CUX2: variants seen among roughly 807,000 people sequenced by gnomAD.
CUX2 encodes the protein cut like homeobox 2.
CUX2 carries 40 observed loss-of-function variants against 144.8 expected under a neutral mutation model. The ratio of observed to expected loss-of-function variants is 0.28; its 90% CI spans 0.21 to 0.36. CUX2 has a LOEUF of 0.36. Among genes scored for constraint, CUX2 ranks in the 10% least tolerant of loss-of-function variants. The pLI is 1.00. For missense variants in CUX2, 1,615 were observed against 1,994.0 expected, an observed-to-expected ratio of 0.81 and a Z score of 3.62; for synonymous variants, 827 against 875.6, an observed-to-expected ratio of 0.94 and a Z score of 0.98.
chr12:111,180,875 C>T (rs1308421893), intron 1 of CUX2, among the ~76,000 whole-genome samples: 1 of 152,234 alleles, frequency 6.6e-6, no homozygotes, highest in African/African-American at 2.4e-5. Context: ...TAAAAATAAC[C>T]TCCCGGGCTC....
At chr12:111,172,061 A>G (rs1187981561) in intron 1 of CUX2, among the ~76,000 whole-genome samples, 4 of 150,686 alleles carry the variant, frequency 2.7e-5, no homozygotes, top group Admixed American at 2.6e-4. Flanking sequence ...GTGCATGTGC[A>G]CACGTGTGTG....
At chr12:111,328,095 G>C (rs922985226) in intron 18 of CUX2, among the ~76,000 whole-genome samples, 1 of 152,092 alleles carries the variant, frequency 6.6e-6, no homozygotes, top group Non-Finnish European at 1.5e-5. Context: ...ATCAGGCCTG[G>C]AGGTGGCTAC....
At chr12:111,224,662 T>C (rs945628783) in intron 3 of CUX2, among the ~76,000 whole-genome samples, 1 of 151,936 alleles carries the variant, frequency 6.6e-6, no homozygotes, top group Non-Finnish European at 1.5e-5. Context: ...AGGGCCCCCT[T>C]AGAACCACAA....
At chr12:111,110,124 C>T (rs1260438224) in intron 1 of CUX2, among the ~76,000 whole-genome samples, 1 of 151,634 alleles carries the variant, frequency 6.6e-6, no homozygotes, top group Non-Finnish European at 1.5e-5. Context: ...CTCAAGCAAT[C>T]CTCCCACCTC....
intron 1 of CUX2, among the ~76,000 whole-genome samples, chr12:111,118,926 C>CA (rs886284829): frequency 3.3e-5 from 5 of 151,958 alleles, no homozygotes; most frequent in South Asian, 2.1e-4. Flanking sequence ...ACTCAGTGTG[C>CA]AAAAAAACAT....
At chr12:111,284,513 G>A (rs1885276349) in intron 4 of CUX2, among the ~76,000 whole-genome samples, 1 of 152,148 alleles carries the variant, frequency 6.6e-6, no homozygotes. Context: ...TGAGCACTTA[G>A]GTGTACCAGG....
chr12:111,263,969 A>G lies in CUX2; in HGVS notation c.301+130A>G, dbSNP rs1884258971. The G allele has an allele frequency of 2.4e-6, 2 of 817,310 alleles. No individual in the cohort carries two copies. Among genetic ancestry groups the G allele is most frequent in the Non-Finnish European group, 4.1e-6 (2 of 485,172 alleles). The allele number at this position is 817,310 out of a possible 1,614,324, so 50.6% of individuals were successfully genotyped here. A position where few individuals can be genotyped will look rare whatever the true frequency, so the allele number is the denominator to read the frequency against. ...TCCTGGGTGAGGCCAGGCACTCTGT[A>G]TAGGGCAGGGGGAGCTGTGGCCAGT... On this transcript the variant is annotated intron_variant, in intron 4 of 21. Transcript: ENST00000261726. This position sits in a 1 kb window ranked among gnomAD's most constrained non-coding sequence, Gnocchi z 4.0.
chr12:111,341,159 T>C (rs1339575828), intron 20 of CUX2, among the ~76,000 whole-genome samples: 1 of 152,188 alleles, frequency 6.6e-6, no homozygotes, highest in Non-Finnish European at 1.5e-5. Flanking sequence ...CCAGGCATGG[T>C]GGCGTGCACC....
chr12:111,244,123 C>T (rs938531488), intron 3 of CUX2, among the ~76,000 whole-genome samples: 6 of 151,856 alleles, frequency 4.0e-5, no homozygotes, highest in African/African-American at 1.5e-4. Context: ...TTTAAAGAGG[C>T]AGAGTTCCCC....
At chr12:111,215,462 T>C (rs1021725035) in intron 2 of CUX2, among the ~76,000 whole-genome samples, 4 of 152,190 alleles carry the variant, frequency 2.6e-5, no homozygotes, top group African/African-American at 9.6e-5. Flanking sequence ...GACTAGGATC[T>C]AGCTAGAATT....
chr12:111,251,495 C>G (rs1052813537), intron 3 of CUX2, among the ~76,000 whole-genome samples: 1 of 152,142 alleles, frequency 6.6e-6, no homozygotes, highest in African/African-American at 2.4e-5. Context: ...GGCCTGCCAG[C>G]CATTGCTTGT....
intron 12 of CUX2, 44 bp from the exon 13 acceptor site, chr12:111,308,241 C>T: frequency 6.2e-7 from 1 of 1,612,700 alleles, no homozygotes; most frequent in Non-Finnish European, 8.5e-7. Context: ...CTCCTCCAGC[C>T]CGGGGGCTGG....
At chr12:111,235,931 GC>G (rs34302375) in intron 3 of CUX2, among the ~76,000 whole-genome samples, 1 of 152,052 alleles carries the variant, frequency 6.6e-6, no homozygotes, top group Non-Finnish European at 1.5e-5. Context: ...AGGGAAACAA[GC>G]CCCTTTGTTG....
rs568781556 is a variant in CUX2, at chr12:111,209,222, A to AC, written c.64-4973dup. 6.8e-3 allele frequency among the ~76,000 whole-genome samples: 1,028 copies of AC among 151,984 alleles called. 18 individuals are homozygous for AC. Among genetic ancestry groups the AC allele is most frequent in the African/African-American group, 0.024 (991 of 41,450 alleles). On this transcript the variant is annotated intron_variant, in intron 1 of 21. Transcript: ENST00000261726. ...AGACCAACCTGGGCAACATGGCGAG[A>AC]CCCCCATCTCTACAAAAAATAAAAA...
Position 111,338,430 on chromosome 12 carries a change from A to G in CUX2, c.3341A>G (p.His1114Arg), listed in dbSNP as rs1782008440. 1.2e-6 allele frequency: 2 copies of G among 1,614,004 alleles called. No homozygotes were observed. Among genetic ancestry groups the G allele is most frequent in the Non-Finnish European group, 8.5e-7 (1 of 1,179,944 alleles). ...ATGCAGCTGTGGCTCAATGACCCCCATAACGTGGAGAAGCTGAGGGATATG... is the reference window on the plus strand; with the variant it reads ...ATGCAGCTGTGGCTCAATGACCCCCGTAACGTGGAGAAGCTGAGGGATATG... ...VRMQLWLNDPHNVEKLRDMKK... is the reference protein window; with the variant it reads ...VRMQLWLNDPRNVEKLRDMKK... Residue 1114 changes from histidine (H) to arginine (R), a missense_variant, in exon 20 of 22, where the codon CAT becomes CGT. Around this residue, in one of 12 missense-constraint regions of CUX2, gnomAD observed 131 missense variants for 223.1 expected, o/e 0.59. Coordinates refer to ENST00000261726, the MANE Select transcript of CUX2 (RefSeq NM_015267.4).
At chr12:111,180,757 C>T (rs1879115771) in intron 1 of CUX2, among the ~76,000 whole-genome samples, 2 of 152,192 alleles carry the variant, frequency 1.3e-5, no homozygotes, top group Non-Finnish European at 2.9e-5. Flanking sequence ...TAGTCCTCCC[C>T]CAGCCTCCCC....
intron 1 of CUX2, among the ~76,000 whole-genome samples, chr12:111,168,776 A>G (rs1327045822): frequency 6.6e-6 from 1 of 152,262 alleles, no homozygotes; most frequent in African/African-American, 2.4e-5. Context: ...AGTCGATGGA[A>G]GTAGCTAATA....
At chr12:111,193,814 G>A (rs1001390901) in intron 1 of CUX2, among the ~76,000 whole-genome samples, 7 of 152,208 alleles carry the variant, frequency 4.6e-5, no homozygotes, top group Non-Finnish European at 7.3e-5. Context: ...ATGGGCAAAG[G>A]GCATGCGCAG....
chr12:111,258,002 T>C (rs1477685215), intron 3 of CUX2, among the ~76,000 whole-genome samples: 1 of 152,236 alleles, frequency 6.6e-6, no homozygotes, highest in East Asian at 1.9e-4. Flanking sequence ...GTTTCAGCCC[T>C]TGGAAAAGAT....
Sources: gnomAD v4.1 joint callset for allele counts (sites outside exome capture counted in the v4.1 genomes callset) on GRCh38, gnomAD v4.1.1 for gene constraint, gnomAD v4.1.1 regional missense constraint, Gnocchi (gnomAD v3.1) non-coding constraint, MANE v1.5 for transcripts, NCBI Gene and HGNC (gene_info 2026-07-23, HGNC 2026-07-21) for gene names.